TSC2: variants seen among roughly 807,000 people sequenced by gnomAD.
TSC2 encodes TSC complex subunit 2, also known as tuberin.
Under a neutral mutation model 202.2 loss-of-function variants are expected in TSC2, and 29 were observed. The ratio of observed to expected loss-of-function variants is 0.14; its 90% CI spans 0.11 to 0.20. The LOEUF (loss-of-function observed/expected upper bound fraction) is 0.20, where lower values mean the gene tolerates loss of function less well. TSC2 is among the 10% of genes least tolerant of loss of function. The pLI, the probability that TSC2 is intolerant of heterozygous loss-of-function variation, is 1.00. For missense variants in TSC2, 2,429 were observed against 2,420.0 expected, an observed-to-expected ratio of 1.00 and a Z score of -0.08; for synonymous variants, 1,349 against 1,044.0, an observed-to-expected ratio of 1.29 and a Z score of -5.63.
chr16:2,055,184 A>C (rs868108900), intron 5 of TSC2: 12 of 630,628 alleles, frequency 1.9e-5, no homozygotes, highest in Middle Eastern at 4.2e-4. Context: ...GTGCAGCCCC[A>C]GGGGCGGTAG....
intron 12 of TSC2, 74 bp downstream of exon 12, chr16:2,062,082 C>G: frequency 1.3e-6 from 2 of 1,598,454 alleles, no homozygotes; most frequent in South Asian, 1.1e-5. Context: ...TGAAGTGCAG[C>G]TTTCTGAGCC....
rs1555441203 is a variant in TSC2, at chr16:2,088,466, C to T, written c.5280C>T (p.Tyr1760=). 5.0e-6 allele frequency: 8 copies of T among 1,612,936 alleles called. No individual in the cohort carries two copies. The highest frequency in any genetic ancestry group is 6.8e-6 in the Non-Finnish European group (8 of 1,180,040). ...LRQRICEEAA[Y]SNPSLPLVHP... is the part of the protein sequence containing the mutation. ...TTCAGATCTGCGAGGAAGCCGCCTA[C>T]TCCAACCCCAGCCTACCTCTGGTGC... is the stretch of plus-strand genomic sequence containing the variant. The change falls in exon 42 of 42, where the codon TAC becomes TAT. Residue 1760 remains tyrosine (Y), a synonymous_variant. Coordinates refer to ENST00000219476, the MANE Select transcript of TSC2 (RefSeq NM_000548.5).
chr16:2,063,102 G>C (rs1289003502), intron 14 of TSC2, 49 bp downstream of exon 14: 1 of 1,546,046 alleles, frequency 6.5e-7, no homozygotes, highest in African/African-American at 1.4e-5. Context: ...ATTTCTCCGT[G>C]GGCGGGCTGT....
intron 16 of TSC2, chr16:2,066,109 G>A: frequency 5.9e-6 from 1 of 168,124 alleles, no homozygotes. Context: ...AGAACCTCCT[G>A]AGCATACCAG....
chr16:2,064,522 C>A, intron 15 of TSC2, 95 bp downstream of exon 15: 1 of 1,582,008 alleles, frequency 6.3e-7, no homozygotes, highest in South Asian at 1.1e-5. Flanking sequence ...TTCGAGTGAC[C>A]GGATGGCTGT....
chr16:2,075,877 A>G lies in TSC2; in HGVS notation c.2624A>G (p.Tyr875Cys), dbSNP rs2151381885. The G allele has an allele frequency of 6.2e-7, 1 of 1,613,172 alleles. No individual in the cohort carries two copies. The highest frequency in any genetic ancestry group is 1.1e-5 in the South Asian group (1 of 91,084). Residue 875 changes from tyrosine to cysteine, a missense_variant, in exon 23 of 42, where the codon TAC becomes TGC. Transcript: ENST00000219476. ...YASVFAISLP[Y>C]TNPSKFNQYI... ...AGTGTGTTCGCCATCTCCCTGCCGTACACCAACCCCTCCAAGTGAGTGGTC... is the reference window on the plus strand; with the variant it reads ...AGTGTGTTCGCCATCTCCCTGCCGTGCACCAACCCCTCCAAGTGAGTGGTC...
intron 11 of TSC2, 25 bp from the exon 12 acceptor site, chr16:2,061,846 T>C: frequency 6.2e-7 from 1 of 1,614,016 alleles, no homozygotes; most frequent in Non-Finnish European, 8.5e-7. Flanking sequence ...GAAGTCAGCC[T>C]GTGTCATCGT....
At chr16:2,068,096 GCGGCACGATCT>G (rs1186061656) in intron 16 of TSC2, among the ~76,000 whole-genome samples, 4 of 152,150 alleles carry the variant, frequency 2.6e-5, no homozygotes, top group Admixed American at 6.5e-5. Context: ...CTGGAGTGCA[GCGGCACGATCT>G]CACCTCACTG....
rs1037449903 is a variant in TSC2 at position 2,055,529 on chromosome 16, G to C, written c.599+10G>C. The C allele has an allele frequency of 5.0e-6, 8 of 1,608,842 alleles. No individual in the cohort carries two copies. Among genetic ancestry groups the C allele is most frequent in the African/African-American group, 1.3e-5 (1 of 74,798 alleles). Reference sequence around the variant, plus strand: ...TCGCAAGGATGGTTCAGTAAGAAAAGAATTGAGATCCTGTTCTGATAATGG... The same window carrying C: ...TCGCAAGGATGGTTCAGTAAGAAAACAATTGAGATCCTGTTCTGATAATGG... On this transcript the variant is annotated intron_variant, in intron 6 of 41. Transcript: ENST00000219476.
intron 5 of TSC2, 192 bp from the exon 6 acceptor site, chr16:2,055,210 C>T (rs543304117): frequency 1.8e-5 from 12 of 662,074 alleles, no homozygotes; most frequent in African/African-American, 8.8e-5. Context: ...AGTGTCCGTG[C>T]GTAGCCGGCC....
Position 2,079,252 on chromosome 16 carries a change from G to C in TSC2, c.3132-24G>C. On this transcript the variant is annotated intron_variant, in intron 27 of 41. Coordinates refer to ENST00000219476, the MANE Select transcript of TSC2 (RefSeq NM_000548.5). The surrounding 1 kb of genome is among the most constrained non-coding windows in gnomAD (Gnocchi z 4.6). ...CTGCGGGAGCTCCACGGGCAAGCTGGGTTTCACGCTCCCTGTCTTCTAGGT... is the reference window on the plus strand; with the variant it reads ...CTGCGGGAGCTCCACGGGCAAGCTGCGTTTCACGCTCCCTGTCTTCTAGGT... 1.2e-6 allele frequency: 2 copies of C among 1,612,954 alleles called. No individual in the cohort carries two copies. Among genetic ancestry groups the C allele is most frequent in the Middle Eastern group, 3.3e-4 (2 of 6,062 alleles).
At chr16:2,087,079 T>A in intron 38 of TSC2, 4 of 725,572 alleles carry the variant, frequency 5.5e-6, no homozygotes, top group Non-Finnish European at 9.0e-6. Flanking sequence ...CTGCTGAGTG[T>A]CTGTCAGGAG....
At position 2,075,836 on chromosome 16, in the gene TSC2, C is replaced by T. The variant is rs144924053; in HGVS notation, c.2583C>T (p.Ala861=). 1.9e-5 allele frequency: 31 copies of T among 1,612,954 alleles called. No homozygotes were observed. The highest frequency in any genetic ancestry group is 1.3e-4 in the South Asian group (12 of 91,088). The change falls in exon 23 of 42, where the codon GCC becomes GCT. Residue 861 remains alanine (A), a synonymous_variant. Coordinates refer to ENST00000219476, the MANE Select transcript of TSC2 (RefSeq NM_000548.5). ...ARLPHLYRNF[A]AEQYASVFAI... is the part of the protein sequence containing the mutation. Reference sequence around the variant, plus strand: ...TGCCGCACCTCTACAGGAACTTTGCCGCGGAGCAGTATGCCAGTGTGTTCG... The same window carrying T: ...TGCCGCACCTCTACAGGAACTTTGCTGCGGAGCAGTATGCCAGTGTGTTCG...
rs1459109429 is a variant in TSC2 at position 2,088,843 on chromosome 16, C to T, written c.*233C>T. 6.8e-6 allele frequency: 4 copies of T among 590,324 alleles called. No homozygotes were observed. The highest frequency in any genetic ancestry group is 4.6e-4 in the Middle Eastern group (1 of 2,172). The allele number at this position is 590,324 out of a possible 1,614,324, so 36.6% of individuals were successfully genotyped here. On this transcript the variant is annotated 3_prime_UTR_variant, in exon 42 of 42. Coordinates refer to ENST00000219476, the MANE Select transcript of TSC2 (RefSeq NM_000548.5). ...ACAGCCAGCTCCGAGGGCCTTGAGG[C>T]TGCCTGGGCCATACAGCACACTCGC...
In TSC2 at chr16:2,060,762, G is replaced by A. The variant is rs760584946; in HGVS notation, c.1068G>A (p.Val356=). Residue 356 remains valine (V), a synonymous_variant, in exon 11 of 42, where the codon GTG becomes GTA. Coordinates refer to ENST00000219476, the MANE Select transcript of TSC2 (RefSeq NM_000548.5). The part of the protein sequence containing the change: ...IKKYRKELQV[V]AWDILLNIIE... ...AGTATAGGAAGGAGCTCCAGGTGGT[G>A]GCGTGGGACATTCTGCTGAACATCA... 1.2e-6 allele frequency: 2 copies of A among 1,613,888 alleles called. No homozygotes were observed. The highest frequency in any genetic ancestry group is 8.5e-7 in the Non-Finnish European group (1 of 1,179,950).
At chr16:2,065,676 T>G in intron 16 of TSC2, 41 bp downstream of exon 16, 2 of 1,528,936 alleles carry the variant, frequency 1.3e-6, no homozygotes, top group Non-Finnish European at 1.8e-6. Flanking sequence ...GGGGCGCGCA[T>G]GGCTAGCGTC....
At chr16:2,051,717 C>G (rs1207304879) in intron 3 of TSC2, among the ~76,000 whole-genome samples, 1 of 152,202 alleles carries the variant, frequency 6.6e-6, no homozygotes, top group East Asian at 1.9e-4. Context: ...GCTACCTCTG[C>G]AGCAGCTCAT....
In TSC2 at chr16:2,047,985, G is replaced by C; in HGVS notation, c.-110G>C. 6.6e-7 allele frequency: 1 copy of C among 1,512,270 alleles called. No individual in the cohort carries two copies. The highest frequency in any genetic ancestry group is 1.4e-5 in the African/African-American group (1 of 71,356). The allele number at this position is 1,512,270 out of a possible 1,614,324, so 93.7% of individuals were successfully genotyped here. A position where few individuals can be genotyped will look rare whatever the true frequency, so the allele number is the denominator to read the frequency against. On this transcript the variant is annotated 5_prime_UTR_variant, in exon 1 of 42. Coordinates refer to ENST00000219476, the MANE Select transcript of TSC2 (RefSeq NM_000548.5). ...TGCCGCTACCGGAAGTGCGGGTCGCGCTTCCGGCGGCGTCCCGGGGCCAGG... is the reference window on the plus strand; with the variant it reads ...TGCCGCTACCGGAAGTGCGGGTCGCCCTTCCGGCGGCGTCCCGGGGCCAGG...
chr16:2,050,326 G>A (rs1266465398), intron 2 of TSC2, 74 bp from the exon 3 acceptor site: 2 of 1,349,906 alleles, frequency 1.5e-6, no homozygotes. Context: ...GAGTCTTTAG[G>A]TGGTTTGTGA....
Sources: gnomAD v4.1 joint callset for allele counts (sites outside exome capture counted in the v4.1 genomes callset) on GRCh38, gnomAD v4.1.1 for gene constraint, Gnocchi (gnomAD v3.1) non-coding constraint, MANE v1.5 for transcripts, NCBI Gene and HGNC (gene_info 2026-07-23, HGNC 2026-07-21) for gene names.